The following STK32B variants were observed in gnomAD, a reference collection of about 807,000 sequenced individuals.
STK32B encodes the protein serine/threonine-protein kinase 32B.
A neutral mutation model predicts 52.6 loss-of-function variants in STK32B; 43 were observed. The observed-to-expected ratio is 0.82, with a 90% CI of 0.64 to 1.05. The LOEUF (loss-of-function observed/expected upper bound fraction) is 1.05, where lower values mean the gene tolerates loss of function less well. Ranked by LOEUF, STK32B falls within the 50% of genes least tolerant of loss-of-function variation. The pLI is 0.00. For synonymous variants in STK32B, 238 were observed against 204.3 expected, an observed-to-expected ratio of 1.17 and a Z score of -1.41; for missense variants, 621 against 534.6, an observed-to-expected ratio of 1.16 and a Z score of -1.59.
the STK32B span, among the ~76,000 whole-genome samples, chr4:5,031,543 G>T: frequency 9.9e-5 from 15 of 151,884 alleles, no homozygotes; most frequent in South Asian, 2.7e-3. Context: ...AGGCTGGAGT[G>T]AGCAGTGATC....
At chr4:5,081,561 C>A (rs556925434) in intron 1 of STK32B, among the ~76,000 whole-genome samples, 115 of 152,006 alleles carry the variant, frequency 7.6e-4, no homozygotes, top group Non-Finnish European at 1.4e-3. Flanking sequence ...TTTCTTTATT[C>A]CTTTTCATTC....
chr4:5,416,774 A>G, intron 5 of STK32B, 71 bp from the exon 6 acceptor site: 1 of 1,381,952 alleles, frequency 7.2e-7, no homozygotes, highest in Non-Finnish European at 1.0e-6. Context: ...CTCACCTTGC[A>G]AACCACAGCT....
intron 4 of STK32B, among the ~76,000 whole-genome samples, chr4:5,387,072 C>G (rs1223232570): frequency 6.6e-6 from 1 of 152,126 alleles, no homozygotes; most frequent in African/African-American, 2.4e-5. Flanking sequence ...TGACATCAGA[C>G]GAGAGCTGGG....
intron 1 of STK32B, among the ~76,000 whole-genome samples, chr4:5,131,748 C>G (rs960667465): frequency 6.6e-6 from 1 of 152,204 alleles, no homozygotes; most frequent in Admixed American, 6.5e-5. Flanking sequence ...ATTTATGGAT[C>G]TGCTCTATTA....
chr4:5,175,092 A>G (rs933246165), intron 3 of STK32B, among the ~76,000 whole-genome samples: 2 of 152,128 alleles, frequency 1.3e-5, no homozygotes, highest in Non-Finnish European at 1.5e-5. Flanking sequence ...GTTGATTGCA[A>G]CGGTTACTGA....
In STK32B at chr4:5,400,020, G is replaced by A. The variant is rs1371681709; in HGVS notation, c.472+1776G>A. Among the ~76,000 whole-genome samples, 1 of 152,178 alleles carries A rather than the reference G, an allele frequency of 6.6e-6. No homozygotes were observed. The highest frequency in any genetic ancestry group is 1.5e-5 in the Non-Finnish European group (1 of 68,038). ...TGTCCTATTAAGAGAGACCGCTAGG[G>A]GGAGACTTCCTGGCCCTGCAAAGCG... is the stretch of plus-strand genomic sequence containing the variant. On this transcript the variant is annotated intron_variant, in intron 5 of 11. Coordinates refer to ENST00000282908, the MANE Select transcript of STK32B (RefSeq NM_018401.3). This position sits in a 1 kb window ranked among gnomAD's most constrained non-coding sequence, Gnocchi z 6.1.
intron 1 of STK32B, among the ~76,000 whole-genome samples, chr4:5,126,858 T>A (rs1405475591): frequency 6.6e-6 from 1 of 152,226 alleles, no homozygotes; most frequent in Non-Finnish European, 1.5e-5. Context: ...CTGATTTTTT[T>A]AGGGAATGAA....
chr4:5,185,912 G>A lies in STK32B; in HGVS notation c.260+17462G>A, dbSNP rs115100628. The stretch of plus-strand genomic sequence containing the variant: ...ACCATCTTGGGCCATTTTTGTTCTC[G>A]TCCATACTAACTGGTTTGTGGGTGA... On this transcript the variant is annotated intron_variant, in intron 3 of 11. Transcript: ENST00000282908. Among the ~76,000 whole-genome samples, 602 of 152,104 alleles carry A rather than the reference G, an allele frequency of 4.0e-3. 6 individuals are homozygous for A. Among genetic ancestry groups the A allele is most frequent in the African/African-American group, 0.013 (521 of 41,480 alleles).
chr4:5,267,627 G>A (rs1178642969), intron 3 of STK32B, among the ~76,000 whole-genome samples: 7 of 152,100 alleles, frequency 4.6e-5, no homozygotes, highest in Non-Finnish European at 8.8e-5. Flanking sequence ...CGCACAGCTG[G>A]GACGAAAATC....
intron 7 of STK32B, 40 bp downstream of exon 7, chr4:5,446,816 C>T: frequency 1.3e-6 from 2 of 1,594,996 alleles, no homozygotes; most frequent in Non-Finnish European, 1.7e-6. Flanking sequence ...AGGGGCTGTG[C>T]AGTGGGGGCT....
intron 3 of STK32B, among the ~76,000 whole-genome samples, chr4:5,199,541 A>G (rs1577181954): frequency 6.6e-6 from 1 of 151,986 alleles, no homozygotes; most frequent in East Asian, 1.9e-4. Flanking sequence ...ACATTAGTGA[A>G]GCCCACCTTG....
chr4:5,478,943 C>T (rs1718448228), intron 11 of STK32B, among the ~76,000 whole-genome samples: 1 of 152,008 alleles, frequency 6.6e-6, no homozygotes. Flanking sequence ...GCCCAGCTGG[C>T]AGCCCACAGG....
At chr4:5,247,356 G>A (rs550780403) in intron 3 of STK32B, among the ~76,000 whole-genome samples, 26 of 152,326 alleles carry the variant, frequency 1.7e-4, no homozygotes, top group African/African-American at 6.3e-4. Flanking sequence ...CTCCATAGGC[G>A]TAGGACCCTC....
chr4:5,367,883 G>C (rs1267669688), intron 4 of STK32B, among the ~76,000 whole-genome samples: 1 of 152,090 alleles, frequency 6.6e-6, no homozygotes, highest in Admixed American at 6.6e-5. Context: ...TCTCATATAA[G>C]ATTCAGACCT....
At chr4:5,440,522 T>A in intron 6 of STK32B, among the ~76,000 whole-genome samples, 1 of 152,192 alleles carries the variant, frequency 6.6e-6, no homozygotes, top group Non-Finnish European at 1.5e-5. Context: ...AATGGGGTTT[T>A]CTAGATATAC....
upstream of STK32B, among the ~76,000 whole-genome samples, chr4:5,048,700 T>C (rs923465677): frequency 5.9e-5 from 9 of 152,256 alleles, no homozygotes; most frequent in Non-Finnish European, 1.2e-4. Flanking sequence ...AGTGCTGGGA[T>C]TATAGGCGTG....
chr4:5,402,422 A>C (rs1257580724), intron 5 of STK32B, among the ~76,000 whole-genome samples: 1 of 152,236 alleles, frequency 6.6e-6, no homozygotes, highest in Non-Finnish European at 1.5e-5. Context: ...TGTATTTTGC[A>C]CTTAAGTGCC....
chr4:5,176,099 C>T (rs1460202669), intron 3 of STK32B, among the ~76,000 whole-genome samples: 1 of 152,222 alleles, frequency 6.6e-6, no homozygotes, highest in Non-Finnish European at 1.5e-5. Flanking sequence ...ACCCTCTGAG[C>T]CATGTGCGGG....
chr4:5,141,250 C>G (rs2121628), intron 2 of STK32B, among the ~76,000 whole-genome samples: 122,718 of 152,136 alleles, frequency 0.81, 51,092 homozygotes, highest in Non-Finnish European at 0.92. Flanking sequence ...GGACAGTGCT[C>G]TCATACAGGG....
Sources: gnomAD v4.1 joint callset for allele counts (sites outside exome capture counted in the v4.1 genomes callset) on GRCh38, gnomAD v4.1.1 for gene constraint, Gnocchi (gnomAD v3.1) non-coding constraint, MANE v1.5 for transcripts, NCBI Gene and HGNC (gene_info 2026-07-23, HGNC 2026-07-21) for gene names.